CAMK2D: variants seen among roughly 807,000 people sequenced by gnomAD.
The protein encoded by CAMK2D is calcium/calmodulin dependent protein kinase II delta.
Under a neutral mutation model 84.0 loss-of-function variants are expected in CAMK2D, and 37 were observed. The ratio of observed to expected loss-of-function variants is 0.44; its 90% confidence interval spans 0.34 to 0.58. The LOEUF is 0.58. Among genes scored for constraint, CAMK2D ranks in the 20% least tolerant of loss-of-function variants. The pLI is 0.02. For synonymous variants in CAMK2D, 202 were observed against 212.5 expected, an observed-to-expected ratio of 0.95 and a Z score of 0.43; for missense variants, 448 against 652.5, an observed-to-expected ratio of 0.69 and a Z score of 3.41.
intron 8 of CAMK2D, among the ~76,000 whole-genome samples, chr4:113,529,522 C>T (rs1320658673): frequency 6.6e-6 from 1 of 152,118 alleles, no homozygotes; most frequent in Admixed American, 6.6e-5. Context: ...AGGCTGGTAG[C>T]AATGACATAG....
chr4:113,480,104 G>T (rs2097682439), intron 16 of CAMK2D, among the ~76,000 whole-genome samples: 1 of 152,028 alleles, frequency 6.6e-6, no homozygotes, highest in African/African-American at 2.4e-5. Flanking sequence ...TGGGACTACA[G>T]GTGCATGCCG....
chr4:113,500,874 C>T (rs1026823165), intron 15 of CAMK2D, among the ~76,000 whole-genome samples: 10 of 151,998 alleles, frequency 6.6e-5, no homozygotes, highest in Non-Finnish European at 1.5e-4. Flanking sequence ...ATATGTTAGC[C>T]GAATGAATTT....
chr4:113,465,312 T>G (rs1589729849), intron 17 of CAMK2D, among the ~76,000 whole-genome samples: 2 of 152,288 alleles, frequency 1.3e-5, no homozygotes, highest in African/African-American at 4.8e-5. Flanking sequence ...GGATTACAGG[T>G]GTGAGCCACT....
At chr4:113,475,124 A>G (rs2097591550) in intron 16 of CAMK2D, among the ~76,000 whole-genome samples, 1 of 152,192 alleles carries the variant, frequency 6.6e-6, no homozygotes, top group South Asian at 2.1e-4. Flanking sequence ...TCAATAACTG[A>G]TTTCATCCCT....
At chr4:113,530,799 T>C (rs186495077) in intron 8 of CAMK2D, among the ~76,000 whole-genome samples, 14 of 152,292 alleles carry the variant, frequency 9.2e-5, no homozygotes, top group East Asian at 7.7e-4. Flanking sequence ...AAATAAATTT[T>C]TGTGGCCAGG....
intron 17 of CAMK2D, among the ~76,000 whole-genome samples, chr4:113,462,320 C>G (rs1172906053): frequency 5.4e-4 from 74 of 136,712 alleles, no homozygotes; most frequent in African/African-American, 1.8e-3. Context: ...GTCTGTCTGT[C>G]TGTCTGTCTG....
At chr4:113,733,648 G>C (rs1042600384) in intron 2 of CAMK2D, among the ~76,000 whole-genome samples, 3 of 152,080 alleles carry the variant, frequency 2.0e-5, no homozygotes, top group African/African-American at 7.2e-5. Context: ...CATTGTAAAA[G>C]CAGAGCTATG....
At chr4:113,692,293 A>G (rs761133675) in intron 2 of CAMK2D, among the ~76,000 whole-genome samples, 5 of 152,170 alleles carry the variant, frequency 3.3e-5, no homozygotes, top group Non-Finnish European at 5.9e-5. Flanking sequence ...CATCAATTTG[A>G]TATCGTTCAC....
At chr4:113,654,464 G>A (rs2099189803) in intron 3 of CAMK2D, among the ~76,000 whole-genome samples, 1 of 151,972 alleles carries the variant, frequency 6.6e-6, no homozygotes, top group African/African-American at 2.4e-5. Flanking sequence ...TATATGGTAG[G>A]TAGCTGTAAC....
At chr4:113,492,395 A>G (rs2097856556) in intron 16 of CAMK2D, among the ~76,000 whole-genome samples, 1 of 152,084 alleles carries the variant, frequency 6.6e-6, no homozygotes, top group South Asian at 2.1e-4. Flanking sequence ...TCATTTCACT[A>G]TGTACCCAGT....
chr4:113,757,919 C>G (rs563855311), intron 2 of CAMK2D, among the ~76,000 whole-genome samples: 1 of 152,158 alleles, frequency 6.6e-6, no homozygotes, highest in African/African-American at 2.4e-5. Flanking sequence ...AAGTGAAGCA[C>G]TACACTGATT....
At chr4:113,685,190 A>G (rs191201399) in intron 2 of CAMK2D, among the ~76,000 whole-genome samples, 9 of 151,526 alleles carry the variant, frequency 5.9e-5, no homozygotes, top group East Asian at 3.9e-4. Context: ...AATGCTTGAT[A>G]CCACCTTATA....
intron 3 of CAMK2D, among the ~76,000 whole-genome samples, chr4:113,625,651 G>A (rs944551217): frequency 2.0e-5 from 3 of 152,126 alleles, no homozygotes; most frequent in African/African-American, 7.2e-5. Flanking sequence ...TAGAAGATGA[G>A]ATCAGAGGTG....
chr4:113,604,270 C>T (rs1284291557), intron 4 of CAMK2D, among the ~76,000 whole-genome samples: 1 of 152,038 alleles, frequency 6.6e-6, no homozygotes, highest in Non-Finnish European at 1.5e-5. Context: ...ATGTATATTT[C>T]TTAACTATAT....
rs769533476 is a variant in CAMK2D, at chr4:113,609,250, A to G, written c.221-44T>C. ...AGAAAAATTGTGTTATACCTATTCC[A>G]ACGATCAACGTTAAACCCCACTTCA... On this transcript the variant is annotated intron_variant, in intron 3 of 20. Coordinates refer to ENST00000511664, the MANE Select transcript of CAMK2D (RefSeq NM_001321571.2). 3 of 990,886 alleles carry G rather than the reference A, an allele frequency of 3.0e-6. No homozygotes were observed. In the African/African-American group the frequency reaches 4.8e-5, roughly 16 times the overall value. The allele number at this position is 990,886 out of a possible 1,614,324, so 61.4% of individuals were successfully genotyped here.
chr4:113,557,964 T>C (rs775892606), intron 4 of CAMK2D, among the ~76,000 whole-genome samples: 6 of 152,188 alleles, frequency 3.9e-5, no homozygotes, highest in Non-Finnish European at 8.8e-5. Flanking sequence ...GCATTAGGCT[T>C]CCCTGCCAAG....
At chr4:113,493,978 T>C (rs1322053135) in intron 16 of CAMK2D, among the ~76,000 whole-genome samples, 1 of 152,214 alleles carries the variant, frequency 6.6e-6, no homozygotes, top group Non-Finnish European at 1.5e-5. Context: ...TCTTGAGCCT[T>C]GGTTTTCAGC....
chr4:113,457,282 G>A (rs1325897624), intron 19 of CAMK2D, 53 bp downstream of exon 19: 2 of 1,602,382 alleles, frequency 1.2e-6, no homozygotes, highest in Non-Finnish European at 8.5e-7. Context: ...ATAAGTAGAA[G>A]GAGCTGACCA....
chr4:113,614,172 C>A (rs1478195389), intron 3 of CAMK2D, among the ~76,000 whole-genome samples: 1 of 152,128 alleles, frequency 6.6e-6, no homozygotes, highest in African/African-American at 2.4e-5. Flanking sequence ...GTACCCCCCA[C>A]ACAAAATAAA....
Sources: gnomAD v4.1 joint callset for allele counts (sites outside exome capture counted in the v4.1 genomes callset) on GRCh38, gnomAD v4.1.1 for gene constraint, MANE v1.5 for transcripts, NCBI Gene and HGNC (gene_info 2026-07-23, HGNC 2026-07-21) for gene names.